PCDHA11: variants seen among roughly 807,000 people sequenced by gnomAD.
PCDHA11 encodes the protein protocadherin alpha 11, also known as protocadherin alpha-11.
Under a neutral mutation model 70.3 loss-of-function variants are expected in PCDHA11, and 61 were observed. That is an observed-to-expected ratio of 0.87 (90% CI 0.71 to 1.07). PCDHA11 has a LOEUF of 1.07. Among genes scored for constraint, PCDHA11 ranks in the 50% least tolerant of loss-of-function variants. The pLI is 0.00. For missense variants in PCDHA11, 1,324 were observed against 1,237.5 expected, an observed-to-expected ratio of 1.07 and a Z score of -1.05; for synonymous variants, 633 against 555.1, an observed-to-expected ratio of 1.14 and a Z score of -1.97.
intron 1 of PCDHA11, chr5:140,877,121 C>T (rs782727100): frequency 6.2e-7 from 1 of 1,613,694 alleles, no homozygotes; most frequent in Non-Finnish European, 8.5e-7. Context: ...AGCAACGTGA[C>T]GCTGCAGGTG....
At chr5:140,924,891 T>C (rs549129193) in intron 1 of PCDHA11, among the ~76,000 whole-genome samples, 1 of 88,410 alleles carries the variant, frequency 1.1e-5, no homozygotes, top group African/African-American at 5.1e-5. Context: ...CAAGAACCTG[T>C]CTCAAAAAAA....
At chr5:140,895,038 C>G (rs1554186328) in intron 1 of PCDHA11, among the ~76,000 whole-genome samples, 1 of 152,104 alleles carries the variant, frequency 6.6e-6, no homozygotes, top group African/African-American at 2.4e-5. Context: ...TGTCCCCCAC[C>G]CACACCATTC....
At chr5:140,929,231 T>G in intron 1 of PCDHA11, 2 of 1,613,886 alleles carry the variant, frequency 1.2e-6, no homozygotes, top group Non-Finnish European at 1.7e-6. Context: ...GCTGCCGACC[T>G]GCGAAATCTT....
intron 3 of PCDHA11, among the ~76,000 whole-genome samples, chr5:140,997,018 A>G (rs1403831704): frequency 6.6e-6 from 1 of 151,882 alleles, no homozygotes; most frequent in African/African-American, 2.4e-5. Flanking sequence ...ATCCTCCAAT[A>G]TTTTTTTGAA....
At chr5:140,895,253 CT>C (rs1411327383) in intron 1 of PCDHA11, among the ~76,000 whole-genome samples, 2 of 151,968 alleles carry the variant, frequency 1.3e-5, no homozygotes, top group Non-Finnish European at 2.9e-5. Context: ...TCAAAGCTTT[CT>C]TTTTTTTCTT....
chr5:141,009,707 A>C lies in PCDHA11; in HGVS notation c.2620A>C (p.Asn874His). 6.2e-7 allele frequency: 1 copy of C among 1,614,144 alleles called. No individual in the cohort carries two copies. Among genetic ancestry groups the C allele is most frequent in the African/African-American group, 1.3e-5 (1 of 75,024 alleles). The change falls in exon 4 of 4, where the codon AAC becomes CAC. Residue 874 changes from asparagine (N) to histidine (H), a missense_variant. By Grantham distance (68) the Asn-to-His change is moderately conservative. Transcript: ENST00000398640. ...CTGGACCTTTAAATACGGACCAGGC[A>C]ACCCCAAACAATCCGGTCCCGGTGA... is the stretch of plus-strand genomic sequence containing the variant. ...NSWTFKYGPG[N>H]PKQSGPGELP...
chr5:141,009,878 A>G lies in PCDHA11; in HGVS notation c.2791A>G (p.Asn931Asp). Residue 931 changes from asparagine to aspartate, a missense_variant, in exon 4 of 4, where the codon AAC (asparagine) becomes GAC (aspartate). Coordinates refer to ENST00000398640, the MANE Select transcript of PCDHA11 (RefSeq NM_018902.5). ...TKKKKKKKKG[N>D]KTQEKKEKGN... ...GAAAAAGAAGAAAAAGAAGAAGGGT[A>G]ACAAGACCCAGGAGAAAAAAGAGAA... is the stretch of plus-strand genomic sequence containing the variant. 4 of 1,613,898 alleles carry G rather than the reference A, an allele frequency of 2.5e-6. No homozygotes were observed. Among genetic ancestry groups the G allele is most frequent in the South Asian group, 1.1e-5 (1 of 91,050 alleles).
chr5:140,946,631 T>TATATACACAC (rs57893927), intron 1 of PCDHA11, among the ~76,000 whole-genome samples: 7 of 131,846 alleles, frequency 5.3e-5, no homozygotes, highest in Non-Finnish European at 1.1e-4. Context: ...TATATATATA[T>TATATACACAC]ACAATGGAAT....
chr5:140,992,352 G>C (rs1554252825), intron 3 of PCDHA11, among the ~76,000 whole-genome samples: 1 of 152,162 alleles, frequency 6.6e-6, no homozygotes, highest in African/African-American at 2.4e-5. Context: ...TGTGGAGAGA[G>C]GAGAAAAATG....
At chr5:140,928,319 A>AGAAT (rs1554205765) in intron 1 of PCDHA11, 1 of 1,614,082 alleles carries the variant, frequency 6.2e-7, no homozygotes, top group Non-Finnish European at 8.5e-7. Flanking sequence ...GACCTGGGGA[A>AGAAT]GAATGGCCTT....
intron 1 of PCDHA11, chr5:140,966,557 G>T: frequency 2.1e-6 from 1 of 477,538 alleles, no homozygotes; most frequent in Non-Finnish European, 3.5e-6. Context: ...GAGCGGAGGA[G>T]CTGGAATATG....
intron 1 of PCDHA11, among the ~76,000 whole-genome samples, chr5:140,903,704 A>G (rs2070513598): frequency 6.6e-6 from 1 of 152,234 alleles, no homozygotes; most frequent in Admixed American, 6.5e-5. Context: ...AAATAGTAAT[A>G]AAATATACAA....
intron 1 of PCDHA11, among the ~76,000 whole-genome samples, chr5:140,874,822 T>C (rs2055124014): frequency 6.6e-6 from 1 of 152,252 alleles, no homozygotes; most frequent in East Asian, 1.9e-4. Context: ...TTTATATAAA[T>C]GAAATATTGT....
At chr5:140,912,292 C>A (rs527420621) in intron 1 of PCDHA11, among the ~76,000 whole-genome samples, 13 of 152,184 alleles carry the variant, frequency 8.5e-5, no homozygotes, top group Non-Finnish European at 1.8e-4. Context: ...CAATACTTTG[C>A]CTCCTGTAAT....
intron 1 of PCDHA11, among the ~76,000 whole-genome samples, chr5:140,907,552 C>A (rs576974083): frequency 1.4e-4 from 21 of 152,278 alleles, no homozygotes; most frequent in Admixed American, 1.3e-3. Flanking sequence ...GGAAGAGGTC[C>A]AATATAATCA....
At chr5:140,876,048 T>G in intron 1 of PCDHA11, 1 of 1,613,930 alleles carries the variant, frequency 6.2e-7, no homozygotes, top group Non-Finnish European at 8.5e-7. Context: ...GTATATTGCC[T>G]GAATTAGTTC....
intron 1 of PCDHA11, among the ~76,000 whole-genome samples, chr5:140,973,624 A>G (rs2096595807): frequency 6.6e-6 from 1 of 152,204 alleles, no homozygotes; most frequent in African/African-American, 2.4e-5. Flanking sequence ...CTGTTTCTGT[A>G]TCTTGTACAC....
intron 1 of PCDHA11, among the ~76,000 whole-genome samples, chr5:140,935,364 G>A (rs1480423579): frequency 2.0e-5 from 3 of 152,008 alleles, no homozygotes; most frequent in African/African-American, 4.8e-5. Flanking sequence ...TTTCATTAAC[G>A]TCAACAGAAT....
At chr5:140,990,429 C>A (rs2097393514) in intron 3 of PCDHA11, among the ~76,000 whole-genome samples, 1 of 152,144 alleles carries the variant, frequency 6.6e-6, no homozygotes, top group African/African-American at 2.4e-5. Context: ...CAGCATTGAC[C>A]CAATCTTGTG....
Sources: gnomAD v4.1 joint callset for allele counts (sites outside exome capture counted in the v4.1 genomes callset) on GRCh38, gnomAD v4.1.1 for gene constraint, MANE v1.5 for transcripts, NCBI Gene and HGNC (gene_info 2026-07-23, HGNC 2026-07-21) for gene names.